XKR9: variants seen among roughly 807,000 people sequenced by gnomAD.
XKR9 encodes the protein XK related 9, also known as XK-related protein 9.
XKR9 carries 32 observed loss-of-function variants against 32.0 expected under a neutral mutation model. That is an observed-to-expected ratio of 1.00 (90% confidence interval 0.76 to 1.34). The LOEUF (loss-of-function observed/expected upper bound fraction) is 1.34, where lower values mean the gene tolerates loss of function less well. Among genes scored for constraint, XKR9 ranks in the 40% most tolerant of loss-of-function variants. The pLI, the probability that XKR9 is intolerant of heterozygous loss-of-function variation, is 0.00. For synonymous variants in XKR9, 168 were observed against 143.4 expected (o/e 1.17, Z -1.22); for missense variants, 546 against 429.7 (o/e 1.27, Z -2.39).
chr8:70,774,799 A>G (rs983573193), intron 2 of XKR9, among the ~76,000 whole-genome samples: 14 of 152,172 alleles, frequency 9.2e-5, no homozygotes, highest in African/African-American at 3.4e-4. Flanking sequence ...ATAACTATAA[A>G]TATTCAAATA....
At chr8:70,894,804 T>G in the XKR9 span, among the ~76,000 whole-genome samples, 1 of 152,130 alleles carries the variant, frequency 6.6e-6, no homozygotes, top group Admixed American at 6.5e-5. Context: ...CACTTCTGCT[T>G]GCCTATGAGG....
intron 3 of XKR9, among the ~76,000 whole-genome samples, chr8:70,700,542 A>T (rs1425890990): frequency 1.3e-5 from 2 of 152,112 alleles, no homozygotes; most frequent in Non-Finnish European, 1.5e-5. Flanking sequence ...TTCCTCTGGA[A>T]GTTTTGTCTC....
chr8:71,061,863 A>G, the XKR9 span, among the ~76,000 whole-genome samples: 1 of 152,336 alleles, frequency 6.6e-6, no homozygotes, highest in African/African-American at 2.4e-5. Context: ...TAGTATATTT[A>G]GGGTGCTATG....
the XKR9 span, among the ~76,000 whole-genome samples, chr8:70,813,455 C>G: frequency 5.6e-4 from 86 of 152,244 alleles, no homozygotes; most frequent in African/African-American, 2.0e-3. Flanking sequence ...TGCAATTAAA[C>G]TAAAGAGCTT....
chr8:70,839,350 GTCTAGTGTTTCTT>G, the XKR9 span, among the ~76,000 whole-genome samples: 1 of 152,134 alleles, frequency 6.6e-6, no homozygotes, highest in South Asian at 2.1e-4. Flanking sequence ...TGTCCCTGAA[GTCTAGTGTTTCTT>G]TCTATATACC....
At chr8:70,676,490 A>G (rs1164309359) in intron 2 of XKR9, among the ~76,000 whole-genome samples, 1 of 152,198 alleles carries the variant, frequency 6.6e-6, no homozygotes, top group East Asian at 1.9e-4. Flanking sequence ...ACTATTCTTA[A>G]TACAAGTTAT....
the XKR9 span, among the ~76,000 whole-genome samples, chr8:70,992,654 G>T: frequency 6.6e-6 from 1 of 152,254 alleles, no homozygotes; most frequent in Non-Finnish European, 1.5e-5. Flanking sequence ...GAAGACAGGA[G>T]AGGGGAGAAG....
downstream of XKR9, among the ~76,000 whole-genome samples, chr8:70,793,495 A>C (rs1367442885): frequency 6.6e-6 from 1 of 152,074 alleles, no homozygotes; most frequent in African/African-American, 2.4e-5. Context: ...TGCAGAGTAC[A>C]CCCCACTAGC....
the XKR9 span, among the ~76,000 whole-genome samples, chr8:70,891,545 C>G: frequency 6.6e-6 from 1 of 151,826 alleles, no homozygotes; most frequent in Non-Finnish European, 1.5e-5. Flanking sequence ...TCTTAATTGA[C>G]TCATTGGACA....
the XKR9 span, among the ~76,000 whole-genome samples, chr8:71,037,035 A>G: frequency 6.6e-6 from 1 of 151,948 alleles, no homozygotes; most frequent in Non-Finnish European, 1.5e-5. Context: ...TTTATACACT[A>G]GTTGTGTTAC....
chr8:70,875,330 G>A, the XKR9 span, among the ~76,000 whole-genome samples: 1 of 152,194 alleles, frequency 6.6e-6, no homozygotes, highest in African/African-American at 2.4e-5. Flanking sequence ...TGCTGTTTAG[G>A]CACATGACTT....
the XKR9 span, among the ~76,000 whole-genome samples, chr8:71,031,453 A>G: frequency 1.3e-5 from 2 of 152,302 alleles, no homozygotes; most frequent in East Asian, 1.9e-4. Context: ...CATCCTAGCC[A>G]TGGAACTTTA....
chr8:70,954,286 C>T, the XKR9 span, among the ~76,000 whole-genome samples: 1 of 152,086 alleles, frequency 6.6e-6, no homozygotes, highest in Non-Finnish European at 1.5e-5. Context: ...GATGGGAGCT[C>T]TCATAGTTTT....
chr8:70,838,378 A>G, the XKR9 span, among the ~76,000 whole-genome samples: 2 of 152,200 alleles, frequency 1.3e-5, no homozygotes, highest in African/African-American at 4.8e-5. Flanking sequence ...TTAGTTAGGT[A>G]GGTATCATTA....
At chr8:70,830,883 A>C in the XKR9 span, among the ~76,000 whole-genome samples, 1 of 152,238 alleles carries the variant, frequency 6.6e-6, no homozygotes, top group Non-Finnish European at 1.5e-5. Context: ...AGTAAATGAC[A>C]GAGTTTGGAC....
At chr8:71,032,294 A>AC in the XKR9 span, among the ~76,000 whole-genome samples, 1 of 150,490 alleles carries the variant, frequency 6.6e-6, no homozygotes, top group Non-Finnish European at 1.5e-5. Flanking sequence ...AAAAAAAAAA[A>AC]AAAAAAAAAA....
intron 4 of XKR9, among the ~76,000 whole-genome samples, chr8:70,713,453 G>A (rs115951824): frequency 0.011 from 1,609 of 152,168 alleles, 28 homozygotes; most frequent in African/African-American, 0.037. Context: ...TCTGACAAGC[G>A]TACTCAGCAG....
downstream of XKR9, among the ~76,000 whole-genome samples, chr8:70,791,908 G>T (rs902317791): frequency 7.2e-5 from 11 of 151,986 alleles, no homozygotes; most frequent in African/African-American, 2.7e-4. Flanking sequence ...AACTCTACAA[G>T]AATTTCTATA....
At chr8:70,958,596 C>T in the XKR9 span, among the ~76,000 whole-genome samples, 1 of 152,116 alleles carries the variant, frequency 6.6e-6, no homozygotes, top group African/African-American at 2.4e-5. Context: ...GGATATTCGA[C>T]CTTTGTCAAA....
Sources: allele counts gnomAD v4.1 joint callset (sites outside exome capture counted in the v4.1 genomes callset), GRCh38; gene constraint gnomAD v4.1.1; transcripts MANE v1.5; gene names NCBI Gene and HGNC (gene_info 2026-07-23, HGNC 2026-07-21).